Variants in STK10 observed in about 807,000 individuals in gnomAD.
STK10 encodes serine/threonine-protein kinase 10.
A neutral mutation model predicts 113.8 loss-of-function variants in STK10; 78 were observed. The observed-to-expected ratio is 0.69, with a 90% CI of 0.57 to 0.83. The LOEUF (loss-of-function observed/expected upper bound fraction) is 0.83, where lower values mean the gene tolerates loss of function less well. Among genes scored for constraint, STK10 ranks in the 40% least tolerant of loss-of-function variants. STK10 has a pLI of 0.00. For missense variants in STK10, 1,109 were observed against 1,280.1 expected (o/e 0.87, Z 2.04); for synonymous variants, 465 against 494.7 (o/e 0.94, Z 0.80).
intron 18 of STK10, among the ~76,000 whole-genome samples, chr5:172,048,258 G>C (rs1767538190): frequency 6.6e-6 from 1 of 152,132 alleles, no homozygotes; most frequent in Admixed American, 6.6e-5. Flanking sequence ...AAGGCCTTCA[G>C]AGAAAACAAG....
At position 172,182,456 on chromosome 5, in the gene STK10, TCAC is replaced by T. The variant is rs1428975770; in HGVS notation, c.156+5428_156+5430del. Among the ~76,000 whole-genome samples the T allele has an allele frequency of 2.0e-5, 3 of 150,632 alleles. No homozygotes were observed. The South Asian group carries it at 6.3e-4, about 32-fold the overall frequency. On this transcript the variant is annotated intron_variant, in intron 1 of 18. Coordinates refer to ENST00000176763, the MANE Select transcript of STK10 (RefSeq NM_005990.4). ...AGTGCAGAGGCGTGGGTGCAGTGGC[TCAC>T]CACAACCTCTGCCTCCCAGGCTCAA...
intron 13 of STK10, among the ~76,000 whole-genome samples, chr5:172,064,104 G>A (rs902378165): frequency 2.6e-5 from 4 of 152,148 alleles, no homozygotes; most frequent in South Asian, 2.1e-4. Context: ...GCAGGCAGGA[G>A]AGAAGAAACT....
intron 18 of STK10, among the ~76,000 whole-genome samples, chr5:172,048,596 C>T (rs1029349562): frequency 6.6e-6 from 1 of 151,900 alleles, no homozygotes; most frequent in African/African-American, 2.4e-5. Flanking sequence ...TGGACAAATT[C>T]CCCCAACCTC....
intron 1 of STK10, among the ~76,000 whole-genome samples, chr5:172,183,362 C>T (rs1770896706): frequency 6.6e-6 from 1 of 152,168 alleles, no homozygotes; most frequent in African/African-American, 2.4e-5. Flanking sequence ...TTTTCCCACT[C>T]AATCTATCAC....
At chr5:172,159,995 G>T (rs916887182) in intron 1 of STK10, among the ~76,000 whole-genome samples, 1 of 151,640 alleles carries the variant, frequency 6.6e-6, no homozygotes, top group African/African-American at 2.4e-5. Context: ...AATTAGCTGG[G>T]CGTGGTGGCA....
At chr5:172,173,341 G>A (rs909525755) in intron 1 of STK10, among the ~76,000 whole-genome samples, 4 of 152,188 alleles carry the variant, frequency 2.6e-5, no homozygotes, top group African/African-American at 9.7e-5. Flanking sequence ...CTCTGACAAG[G>A]GTCATTGCCT....
chr5:172,047,286 C>T (rs1767511864), intron 18 of STK10, among the ~76,000 whole-genome samples: 1 of 152,222 alleles, frequency 6.6e-6, no homozygotes, highest in African/African-American at 2.4e-5. Flanking sequence ...ACTGCACACT[C>T]GTGGTGCCTC....
intron 3 of STK10, among the ~76,000 whole-genome samples, chr5:172,123,037 C>A (rs1769548933): frequency 6.6e-6 from 1 of 152,166 alleles, no homozygotes; most frequent in African/African-American, 2.4e-5. Context: ...CGTGGGTATT[C>A]TCTCCATCTC....
At chr5:172,121,733 A>T (rs542134294) in intron 3 of STK10, among the ~76,000 whole-genome samples, 2 of 151,978 alleles carry the variant, frequency 1.3e-5, no homozygotes, top group African/African-American at 4.8e-5. Context: ...TAAATAAATA[A>T]TTTTTTGTTT....
rs527746040 is a variant in STK10 at position 172,132,233 on chromosome 5, C to A, written c.322-4812G>T. On this transcript the variant is annotated intron_variant, in intron 2 of 18. Transcript: ENST00000176763. ...TAGAAAAAAGACTGGAAGCACAAAA[C>A]CCATAGGAGGATTACAGGTAGTTTG... is the stretch of plus-strand genomic sequence containing the variant. Among the ~76,000 whole-genome samples the A allele has an allele frequency of 2.9e-3, 448 of 152,172 alleles. 3 individuals are homozygous for A. The highest frequency in any genetic ancestry group is 0.01 in the African/African-American group (431 of 41,516).
At chr5:172,128,415 C>CA (rs1327901858) in intron 2 of STK10, among the ~76,000 whole-genome samples, 7 of 150,312 alleles carry the variant, frequency 4.7e-5, no homozygotes, top group Non-Finnish European at 8.9e-5. Context: ...AATCTTGGCT[C>CA]CATCTCTGGG....
chr5:172,082,375 T>G lies in STK10; in HGVS notation c.1940A>C (p.Asp647Ala), dbSNP rs201827364. The G allele has an allele frequency of 6.2e-7, 1 of 1,605,178 alleles. No homozygotes were observed. Among genetic ancestry groups the G allele is most frequent in the Admixed American group, 1.7e-5 (1 of 58,046 alleles). Residue 647 changes from aspartate to alanine, a missense_variant, in exon 12 of 19, where the codon GAT becomes GCT. Physicochemically the swap from Asp to Ala is moderately radical, Grantham distance 126. This residue lies in a region of STK10 where 885 missense variants were observed against 991.1 expected (regional missense o/e 0.89). Coordinates refer to ENST00000176763, the MANE Select transcript of STK10 (RefSeq NM_005990.4). The surrounding 1 kb of genome is among the most constrained non-coding windows in gnomAD (Gnocchi z 4.3). The part of the protein sequence containing the change: ...EEARRIRLEQ[D>A]RDYTRFQEQL... The stretch of plus-strand genomic sequence containing the variant: ...CTCTTGGAACCTGGTGTAGTCCCGA[T>G]CCTGCTCCAGGCGGATCCGCCTGGC...
chr5:172,073,784 T>C (rs1315730258), intron 12 of STK10, among the ~76,000 whole-genome samples: 1 of 55,002 alleles, frequency 1.8e-5, no homozygotes, highest in Non-Finnish European at 3.4e-5. Flanking sequence ...CCATCTCTAC[T>C]AAAAATAGCA....
At position 172,061,038 on chromosome 5, in the gene STK10, G is replaced by T. The variant is rs904427153; in HGVS notation, c.2212+101C>A. On this transcript the variant is annotated intron_variant, in intron 14 of 18. Coordinates refer to ENST00000176763, the MANE Select transcript of STK10 (RefSeq NM_005990.4). ...AGAATGATGTTTAGTTTTGGGGATGGAGAAGGCCTGGGAGGTTCTTGTTGC... is the reference window on the plus strand; with the variant it reads ...AGAATGATGTTTAGTTTTGGGGATGTAGAAGGCCTGGGAGGTTCTTGTTGC... 3.8e-5 allele frequency: 55 copies of T among 1,450,698 alleles called. No homozygotes were observed. In the African/African-American group the frequency reaches 7.6e-4, roughly 20 times the overall value. The allele number at this position is 1,450,698 out of a possible 1,614,324, so 89.9% of individuals were successfully genotyped here.
At chr5:172,149,891 C>A (rs1219138457) in intron 2 of STK10, among the ~76,000 whole-genome samples, 1 of 151,340 alleles carries the variant, frequency 6.6e-6, no homozygotes, top group Non-Finnish European at 1.5e-5. Context: ...ACTAAATATA[C>A]AAAAAATTAG....
chr5:172,073,323 T>A (rs1768237679), intron 12 of STK10, among the ~76,000 whole-genome samples: 1 of 152,132 alleles, frequency 6.6e-6, no homozygotes, highest in South Asian at 2.1e-4. Flanking sequence ...GGCTAATTTT[T>A]GTATTTTTAG....
intron 4 of STK10, among the ~76,000 whole-genome samples, chr5:172,116,567 T>G (rs757253296): frequency 7.2e-5 from 11 of 152,046 alleles, no homozygotes; most frequent in Non-Finnish European, 1.3e-4. Context: ...AGAGGAGACA[T>G]TTAAAGAAGA....
At chr5:172,095,393 C>A (rs188390263) in intron 8 of STK10, among the ~76,000 whole-genome samples, 1 of 152,180 alleles carries the variant, frequency 6.6e-6, no homozygotes, top group Non-Finnish European at 1.5e-5. Flanking sequence ...CAGGTGTGAG[C>A]GCTTTCTACC....
At chr5:172,156,577 A>T in intron 2 of STK10, 47 bp downstream of exon 2, 1 of 1,583,370 alleles carries the variant, frequency 6.3e-7, no homozygotes, top group Non-Finnish European at 8.6e-7. Flanking sequence ...GCTCCAGAGC[A>T]CCAGGCCATG....
Sources: gnomAD v4.1 joint callset for allele counts (sites outside exome capture counted in the v4.1 genomes callset) on GRCh38, gnomAD v4.1.1 for gene constraint, gnomAD v4.1.1 regional missense constraint, Gnocchi (gnomAD v3.1) non-coding constraint, MANE v1.5 for transcripts, NCBI Gene and HGNC (gene_info 2026-07-23, HGNC 2026-07-21) for gene names.